Variants in SETD3 observed in about 807,000 individuals in gnomAD.
SETD3 encodes the protein actin-histidine N-methyltransferase.
Under a neutral mutation model 63.0 loss-of-function variants are expected in SETD3, and 19 were observed. That is an observed-to-expected ratio of 0.30 (90% confidence interval 0.21 to 0.44). The LOEUF (loss-of-function observed/expected upper bound fraction) is 0.44. Ranked by LOEUF, SETD3 falls within the 20% of genes least tolerant of loss-of-function variation. SETD3 has a pLI of 1.00. For missense variants in SETD3, 587 were observed against 728.5 expected (o/e 0.81, Z 2.24); for synonymous variants, 286 against 264.1 (o/e 1.08, Z -0.80).
At chr14:99,447,185 C>G (rs1894184722) in intron 6 of SETD3, among the ~76,000 whole-genome samples, 1 of 152,112 alleles carries the variant, frequency 6.6e-6, no homozygotes, top group African/African-American at 2.4e-5. Flanking sequence ...GCTGGCCAGG[C>G]TGGTCTTAAA....
At chr14:99,460,639 AT>A (rs1425275781) in intron 4 of SETD3, among the ~76,000 whole-genome samples, 3 of 152,210 alleles carry the variant, frequency 2.0e-5, no homozygotes, top group Non-Finnish European at 4.4e-5. Context: ...GAGGCCAGGC[AT>A]GGCCAGTGAC....
intron 11 of SETD3, among the ~76,000 whole-genome samples, chr14:99,402,057 C>T (rs1034890124): frequency 1.3e-5 from 2 of 152,178 alleles, no homozygotes; most frequent in Non-Finnish European, 2.9e-5. Context: ...TCATTCTGGC[C>T]ACCACAGTGT....
Position 99,461,307 on chromosome 14 carries a change from T to A in SETD3, c.230A>T (p.Asp77Val), listed in dbSNP as rs199807449. Reference protein sequence around the residue: ...LSVTFDGKREDYFPDLMKWAS... With the variant: ...LSVTFDGKREVYFPDLMKWAS... ...CCATTTCATTAGATCAGGAAAGTAA[T>A]CTTCTCTTTTTCCATCAAAAGTAAC... The change falls in exon 4 of 13, where the codon GAT (aspartate) becomes GTT (valine). Residue 77 changes from aspartate (D) to valine (V), a missense_variant. Transcript: ENST00000331768. 6.2e-7 allele frequency: 1 copy of A among 1,614,092 alleles called. No individual in the cohort carries two copies.
chr14:99,399,114 G>T lies in SETD3; in HGVS notation c.1350C>A (p.Ser450=). 6.2e-7 allele frequency: 1 copy of T among 1,612,142 alleles called. No homozygotes were observed. Among genetic ancestry groups the T allele is most frequent in the Non-Finnish European group, 8.5e-7 (1 of 1,178,732 alleles). ...TYKTTIEEDK[S]VLKNHDLSVR... ...CAGAAAGATCGTGGTTTTTCAAGACGGATTTATCTTCCTGGAAAACAAGAG... is the reference window on the plus strand; with the variant it reads ...CAGAAAGATCGTGGTTTTTCAAGACTGATTTATCTTCCTGGAAAACAAGAG... Residue 450 remains serine, a synonymous_variant, in exon 13 of 13, where the codon TCC becomes TCA. Transcript: ENST00000331768.
intron 8 of SETD3, among the ~76,000 whole-genome samples, chr14:99,407,134 T>C (rs2180265): frequency 0.4 from 60,526 of 152,106 alleles, 12,902 homozygotes; most frequent in East Asian, 0.56. Flanking sequence ...CTTTCAAGCA[T>C]GCAAAGGCAA....
At chr14:99,410,127 A>G (rs1891898808) in intron 8 of SETD3, 1 of 1,449,680 alleles carries the variant, frequency 6.9e-7, no homozygotes. Context: ...GCCACGCTGG[A>G]GGAGGTCTAT....
chr14:99,463,587 TAA>T lies in SETD3; in HGVS notation c.104-11_104-10del. The T allele has an allele frequency of 6.2e-7, 1 of 1,608,258 alleles. No homozygotes were observed. The highest frequency in any genetic ancestry group is 1.1e-5 in the South Asian group (1 of 90,746). On this transcript the variant is annotated splice_polypyrimidine_tract_variant and intron_variant, in intron 2 of 12. Transcript: ENST00000331768. The stretch of plus-strand genomic sequence containing the variant: ...CGCCGGACTGCTGCATTCTGTAACA[TAA>T]GAGGCATGGTACTGAAACACTTCTC...
chr14:99,415,412 A>T (rs1892238416), intron 6 of SETD3, among the ~76,000 whole-genome samples: 1 of 152,222 alleles, frequency 6.6e-6, no homozygotes, highest in Admixed American at 6.5e-5. Context: ...ATCTAAAAAT[A>T]ACTTCAAGAG....
At chr14:99,429,942 G>A (rs1295135307) in intron 6 of SETD3, among the ~76,000 whole-genome samples, 1 of 152,208 alleles carries the variant, frequency 6.6e-6, no homozygotes, top group African/African-American at 2.4e-5. Context: ...GAAGTATAGA[G>A]GAAATGGTAA....
At chr14:99,447,935 G>A (rs1392160225) in intron 6 of SETD3, among the ~76,000 whole-genome samples, 3 of 152,192 alleles carry the variant, frequency 2.0e-5, no homozygotes, top group East Asian at 1.9e-4. Flanking sequence ...TGACAGGCCC[G>A]CAGTCCTCAG....
rs998402915 is a variant in SETD3, at chr14:99,415,757, T to TA, written c.676-1824dup. On this transcript the variant is annotated intron_variant, in intron 6 of 12. Transcript: ENST00000331768. ...TGTACACACTGTACATAAATCTGGT[T>TA]AAAAAAAAGATTCTGCCACTGACAC... is the stretch of plus-strand genomic sequence containing the variant. Among the ~76,000 whole-genome samples the TA allele has an allele frequency of 3.8e-3, 579 of 152,090 alleles. 4 individuals carry two copies. Among genetic ancestry groups the TA allele is most frequent in the African/African-American group, 0.013 (554 of 41,506 alleles).
chr14:99,419,968 C>T (rs948292727), intron 6 of SETD3, among the ~76,000 whole-genome samples: 6 of 152,196 alleles, frequency 3.9e-5, no homozygotes, highest in South Asian at 2.1e-4. Flanking sequence ...TCAACACATA[C>T]TTCATTTCCT....
At chr14:99,465,872 A>G (rs1393836116) in intron 1 of SETD3, 59 bp from the exon 2 acceptor site, 3 of 1,124,434 alleles carry the variant, frequency 2.7e-6, no homozygotes, top group Non-Finnish European at 4.0e-6. Context: ...AAAATCAAGT[A>G]ATAAAACATG....
intron 1 of SETD3, among the ~76,000 whole-genome samples, chr14:99,475,840 A>C (rs7152948): frequency 1.3e-5 from 2 of 152,192 alleles, no homozygotes; most frequent in African/African-American, 4.8e-5. Flanking sequence ...TCTCAAACAC[A>C]AAGATGATGC....
intron 11 of SETD3, among the ~76,000 whole-genome samples, chr14:99,401,131 C>G (rs1390918991): frequency 2.0e-5 from 3 of 148,296 alleles, no homozygotes; most frequent in Non-Finnish European, 4.4e-5. Flanking sequence ...CAAGTGAGAC[C>G]CTGTCTCAAA....
At chr14:99,413,420 T>G (rs1043253082) in intron 7 of SETD3, among the ~76,000 whole-genome samples, 9 of 152,156 alleles carry the variant, frequency 5.9e-5, no homozygotes, top group African/African-American at 1.9e-4. Context: ...CTGCACCTAT[T>G]TTAAGCCTCA....
At chr14:99,414,950 C>A (rs1344807494) in intron 6 of SETD3, among the ~76,000 whole-genome samples, 1 of 152,202 alleles carries the variant, frequency 6.6e-6, no homozygotes, top group Non-Finnish European at 1.5e-5. Context: ...AATTTATCAT[C>A]GCTCACTGTA....
chr14:99,413,135 C>T, intron 7 of SETD3, 70 bp from the exon 8 acceptor site: 1 of 873,622 alleles, frequency 1.1e-6, no homozygotes, highest in Non-Finnish European at 1.8e-6. Context: ...AATAACATAA[C>T]CAAAAATTTA....
At chr14:99,429,313 G>T (rs1447501803) in intron 6 of SETD3, among the ~76,000 whole-genome samples, 1 of 152,162 alleles carries the variant, frequency 6.6e-6, no homozygotes, top group Non-Finnish European at 1.5e-5. Context: ...AGACACAAGG[G>T]AGGGCAAGTA....
Sources: gnomAD v4.1 joint callset for allele counts (sites outside exome capture counted in the v4.1 genomes callset) on GRCh38, gnomAD v4.1.1 for gene constraint, MANE v1.5 for transcripts, NCBI Gene and HGNC (gene_info 2026-07-23, HGNC 2026-07-21) for gene names.